CSMD1: variants seen among roughly 807,000 people sequenced by gnomAD.
The protein encoded by CSMD1 is CUB and Sushi multiple domains 1.
A neutral mutation model predicts 417.5 loss-of-function variants in CSMD1; 213 were observed. The ratio of observed to expected loss-of-function variants is 0.51; its 90% confidence interval spans 0.46 to 0.57. The LOEUF is 0.57. Ranked by LOEUF, CSMD1 falls within the 20% of genes least tolerant of loss-of-function variation. The probability of loss-of-function intolerance (pLI) is 0.00; values close to 1 mark genes in which losing one functional copy is unlikely to be tolerated. For synonymous variants in CSMD1, 2,862 were observed against 1,736.8 expected, an observed-to-expected ratio of 1.65 and a Z score of -16.11; for missense variants, 6,923 against 4,529.7, an observed-to-expected ratio of 1.53 and a Z score of -15.17.
At chr8:3,355,761 C>G (rs969922418) in intron 21 of CSMD1, among the ~76,000 whole-genome samples, 1 of 152,144 alleles carries the variant, frequency 6.6e-6, no homozygotes, top group African/African-American at 2.4e-5. Context: ...TAGGTATGGA[C>G]TTTACATCAC....
At chr8:4,601,515 G>T (rs1471269694) in intron 2 of CSMD1, among the ~76,000 whole-genome samples, 1 of 152,150 alleles carries the variant, frequency 6.6e-6, no homozygotes, top group Non-Finnish European at 1.5e-5. Context: ...GAGGGACAGA[G>T]ATCATAAAGG....
intron 7 of CSMD1, among the ~76,000 whole-genome samples, chr8:3,631,870 T>C (rs997871235): frequency 1.3e-5 from 2 of 152,186 alleles, no homozygotes; most frequent in African/African-American, 2.4e-5. Context: ...TCCCCCCTGG[T>C]CCAAAGATAA....
chr8:4,024,068 T>C (rs1020521800), intron 4 of CSMD1, among the ~76,000 whole-genome samples: 5 of 152,136 alleles, frequency 3.3e-5, no homozygotes, highest in African/African-American at 9.7e-5. Context: ...AGAGAAAATA[T>C]ACTAGAAAGA....
intron 2 of CSMD1, among the ~76,000 whole-genome samples, chr8:4,595,694 G>C (rs560101504): frequency 6.6e-6 from 1 of 152,218 alleles, no homozygotes; most frequent in African/African-American, 2.4e-5. Flanking sequence ...TTGAACTCAG[G>C]AGTTGGAGGC....
At chr8:4,933,218 C>T (rs1329706288) in intron 1 of CSMD1, among the ~76,000 whole-genome samples, 1 of 151,970 alleles carries the variant, frequency 6.6e-6, no homozygotes, top group Non-Finnish European at 1.5e-5. Flanking sequence ...TCTTCTGAAT[C>T]ATGTTTTCCC....
chr8:4,814,196 TTG>T lies in CSMD1; in HGVS notation c.86-176640_86-176639del, dbSNP rs35824182. 5.8e-3 allele frequency among the ~76,000 whole-genome samples: 860 copies of T among 149,550 alleles called. 15 individuals carry two copies. Among genetic ancestry groups the T allele is most frequent in the South Asian group, 0.042 (200 of 4,758 alleles). On this transcript the variant is annotated intron_variant, in intron 1 of 69. Transcript: ENST00000635120. ...GGTTTCTTCCATCTTCAGAATGATT[TTG>T]TGTGTGTGTGTGTGTGTGTGCGTGT...
chr8:3,869,256 AG>A (rs1308426738), intron 5 of CSMD1, among the ~76,000 whole-genome samples: 1 of 152,084 alleles, frequency 6.6e-6, no homozygotes, highest in Non-Finnish European at 1.5e-5. Flanking sequence ...CCTTCACTCA[AG>A]GGTCTCTTTC....
intron 3 of CSMD1, among the ~76,000 whole-genome samples, chr8:4,056,907 T>C (rs1238748257): frequency 6.6e-6 from 1 of 152,226 alleles, no homozygotes; most frequent in African/African-American, 2.4e-5. Context: ...AGAGTATATG[T>C]GCCACACTTT....
intron 1 of CSMD1, among the ~76,000 whole-genome samples, chr8:4,972,866 A>G (rs1453902739): frequency 1.3e-5 from 2 of 152,166 alleles, no homozygotes; most frequent in East Asian, 3.9e-4. Flanking sequence ...AAACTGCATA[A>G]TTACCTGCTA....
intron 12 of CSMD1, among the ~76,000 whole-genome samples, chr8:3,450,787 G>C (rs10089656): frequency 0.42 from 63,806 of 151,406 alleles, 14,048 homozygotes; most frequent in Middle Eastern, 0.51. Flanking sequence ...GTGTGCATGT[G>C]TCTTTATAGC....
At chr8:3,304,458 G>A (rs904075513) in intron 25 of CSMD1, among the ~76,000 whole-genome samples, 11 of 152,170 alleles carry the variant, frequency 7.2e-5, no homozygotes, top group Admixed American at 1.3e-4. Context: ...ACTAAAAATT[G>A]CATTTATGTT....
At chr8:3,768,788 C>G (rs1312952541) in intron 5 of CSMD1, among the ~76,000 whole-genome samples, 1 of 152,196 alleles carries the variant, frequency 6.6e-6, no homozygotes, top group Non-Finnish European at 1.5e-5. Context: ...TAAGGCTTGT[C>G]CTAAGTTTTG....
chr8:3,756,597 T>C (rs943341964), intron 5 of CSMD1, among the ~76,000 whole-genome samples: 2 of 152,162 alleles, frequency 1.3e-5, no homozygotes, highest in African/African-American at 4.8e-5. Context: ...TGCACTGATA[T>C]TTATTCAATC....
At chr8:3,147,534 G>A (rs1021348100) in intron 40 of CSMD1, among the ~76,000 whole-genome samples, 3 of 152,176 alleles carry the variant, frequency 2.0e-5, no homozygotes, top group Non-Finnish European at 4.4e-5. Context: ...CTGGGGCACT[G>A]AGTCAGAATT....
rs552822730 is a variant in CSMD1 at position 4,277,164 on chromosome 8, TATAC to T, written c.415+142785_415+142788del. ...ATAGAGCCATAGTTTAATCCAACAC[TATAC>T]ATACATATTTATATGTCATCTACAG... On this transcript the variant is annotated intron_variant, in intron 3 of 69. Transcript: ENST00000635120. Among the ~76,000 whole-genome samples, 457 of 151,338 alleles carry T rather than the reference TATAC, an allele frequency of 3.0e-3. 2 individuals carry two copies. The highest frequency in any genetic ancestry group is 4.9e-3 in the Non-Finnish European group (336 of 67,894).
chr8:4,928,000 AC>A (rs1302103815), intron 1 of CSMD1, among the ~76,000 whole-genome samples: 1 of 152,110 alleles, frequency 6.6e-6, no homozygotes, highest in Non-Finnish European at 1.5e-5. Flanking sequence ...CCCGAGTCAC[AC>A]CCCACATCCT....
intron 42 of CSMD1, among the ~76,000 whole-genome samples, chr8:3,114,880 A>G (rs1349613077): frequency 1.3e-5 from 2 of 150,268 alleles, no homozygotes; most frequent in African/African-American, 4.9e-5. Flanking sequence ...AATCTGTCAA[A>G]TTCAAAGAAG....
chr8:3,512,844 C>A (rs931440544), intron 10 of CSMD1, among the ~76,000 whole-genome samples: 2 of 151,970 alleles, frequency 1.3e-5, no homozygotes, highest in Non-Finnish European at 2.9e-5. Flanking sequence ...CATCCGCCCA[C>A]CTCGGCCTCC....
intron 3 of CSMD1, among the ~76,000 whole-genome samples, chr8:4,339,538 A>G (rs569402681): frequency 6.6e-5 from 10 of 152,212 alleles, no homozygotes; most frequent in African/African-American, 2.2e-4. Flanking sequence ...CTACATTTCT[A>G]AAGACTACTG....
Sources: allele counts gnomAD v4.1 joint callset (sites outside exome capture counted in the v4.1 genomes callset), GRCh38; gene constraint gnomAD v4.1.1; transcripts MANE v1.5; gene names NCBI Gene and HGNC (gene_info 2026-07-23, HGNC 2026-07-21).